YPEL1: variants seen among roughly 807,000 people sequenced by gnomAD.
YPEL1 encodes the protein protein yippee-like 1.
In YPEL1, 7 loss-of-function variants were observed where a neutral mutation model predicts 17.3. The ratio of observed to expected loss-of-function variants is 0.40; its 90% CI spans 0.23 to 0.76. YPEL1 has a LOEUF of 0.76. YPEL1 is among the 30% of genes least tolerant of loss of function. YPEL1 has a pLI of 0.35. For missense variants in YPEL1, 91 were observed against 155.5 expected, an observed-to-expected ratio of 0.59 and a Z score of 2.21; for synonymous variants, 59 against 59.6, an observed-to-expected ratio of 0.99 and a Z score of 0.05.
chr22:21,708,870 T>C (rs567825879), intron 2 of YPEL1, among the ~76,000 whole-genome samples: 4 of 151,828 alleles, frequency 2.6e-5, no homozygotes, highest in Non-Finnish European at 5.9e-5. Flanking sequence ...GGTTTCTCCA[T>C]GTTGGTCAGG....
chr22:21,728,649 G>C (rs2068358578), intron 1 of YPEL1, among the ~76,000 whole-genome samples: 1 of 152,136 alleles, frequency 6.6e-6, no homozygotes. Context: ...GGTGGAACAT[G>C]CAAGTAGATG....
chr22:21,713,301 T>C (rs1476429081), intron 1 of YPEL1, among the ~76,000 whole-genome samples: 1 of 152,168 alleles, frequency 6.6e-6, no homozygotes, highest in Admixed American at 6.5e-5. Flanking sequence ...CTCAAAGCCA[T>C]GTCTGCACAC....
chr22:21,698,479 C>T lies in YPEL1; in HGVS notation c.*2650G>A, dbSNP rs1351384667. On this transcript the variant is annotated 3_prime_UTR_variant, in exon 5 of 5. Coordinates refer to ENST00000339468, the MANE Select transcript of YPEL1 (RefSeq NM_013313.5). ...TGTAAGTGAAGCATCTTGAGTCACT[C>T]AGGACTTGGCTGTCCTCGCACCCGT... 1.3e-5 allele frequency: 2 copies of T among 152,356 alleles called. No homozygotes were observed. Among genetic ancestry groups the T allele is most frequent in the Admixed American group, 6.5e-5 (1 of 15,270 alleles). The allele number at this position is 152,356 out of a possible 1,614,324, so 9.4% of individuals were successfully genotyped here.
At chr22:21,729,065 C>G (rs1169586090) in intron 1 of YPEL1, among the ~76,000 whole-genome samples, 1 of 151,474 alleles carries the variant, frequency 6.6e-6, no homozygotes, top group Non-Finnish European at 1.5e-5. Flanking sequence ...ATTGCTTGAA[C>G]CCAGGAGGCA....
intron 1 of YPEL1, among the ~76,000 whole-genome samples, chr22:21,722,566 G>T (rs934571498): frequency 6.6e-6 from 1 of 151,606 alleles, no homozygotes; most frequent in African/African-American, 2.4e-5. Context: ...GCAGTGAGCC[G>T]ACATCGTGCC....
At chr22:21,710,413 A>G in intron 2 of YPEL1, 1 of 575,692 alleles carries the variant, frequency 1.7e-6, no homozygotes, top group Non-Finnish European at 3.1e-6. Context: ...CTGGCCCTGG[A>G]AAACCGCCCA....
chr22:21,725,896 G>A (rs1211725134), intron 1 of YPEL1, among the ~76,000 whole-genome samples: 3 of 152,042 alleles, frequency 2.0e-5, no homozygotes, highest in Non-Finnish European at 4.4e-5. Context: ...CTACTCCAGA[G>A]GCTGAAACTG....
chr22:21,734,444 A>G (rs1299445383), intron 1 of YPEL1, among the ~76,000 whole-genome samples: 1 of 152,206 alleles, frequency 6.6e-6, no homozygotes, highest in Non-Finnish European at 1.5e-5. Context: ...AAGTTTTTCC[A>G]AAATAAGAAG....
At chr22:21,714,244 C>T (rs555098109) in intron 1 of YPEL1, among the ~76,000 whole-genome samples, 9 of 152,324 alleles carry the variant, frequency 5.9e-5, no homozygotes, top group Admixed American at 4.6e-4. Context: ...CACAAACGGC[C>T]GGTGGCGGCC....
intron 1 of YPEL1, among the ~76,000 whole-genome samples, chr22:21,733,184 A>C (rs2068404843): frequency 1.3e-5 from 2 of 151,918 alleles, no homozygotes; most frequent in Admixed American, 1.3e-4. Flanking sequence ...TGGGAGGCTG[A>C]GGGGTGGCAG....
intron 1 of YPEL1, among the ~76,000 whole-genome samples, chr22:21,728,560 C>T (rs2068357690): frequency 6.6e-6 from 1 of 152,146 alleles, no homozygotes; most frequent in Non-Finnish European, 1.5e-5. Flanking sequence ...GTTACCTGAG[C>T]ACCCAAGGTT....
intron 1 of YPEL1, among the ~76,000 whole-genome samples, chr22:21,715,752 TTTTC>T (rs2068216227): frequency 9.4e-5 from 6 of 63,766 alleles, no homozygotes; most frequent in South Asian, 5.7e-4. Context: ...TAATTTTTCT[TTTTC>T]TTTTCTTTTT....
intron 1 of YPEL1, among the ~76,000 whole-genome samples, chr22:21,725,578 T>C (rs1474934406): frequency 2.0e-5 from 3 of 151,918 alleles, no homozygotes; most frequent in African/African-American, 7.3e-5. Flanking sequence ...TAAATCTAGA[T>C]GGTAGAAAAA....
intron 1 of YPEL1, among the ~76,000 whole-genome samples, chr22:21,732,047 G>C (rs150418204): frequency 6.6e-6 from 1 of 152,202 alleles, no homozygotes; most frequent in East Asian, 1.9e-4. Flanking sequence ...GGTGAATAAC[G>C]GCTCCTAACC....
At chr22:21,709,165 C>T (rs888405508) in intron 2 of YPEL1, among the ~76,000 whole-genome samples, 46 of 152,182 alleles carry the variant, frequency 3.0e-4, no homozygotes, top group Non-Finnish European at 5.9e-4. Context: ...ACAGGTGTCA[C>T]GGGGCTCCAC....
intron 1 of YPEL1, among the ~76,000 whole-genome samples, chr22:21,717,369 T>A (rs753254779): frequency 2.2e-5 from 3 of 137,052 alleles, no homozygotes; most frequent in Non-Finnish European, 4.6e-5. Context: ...AGAGCAATAG[T>A]CCGTCTCAAA....
rs140645955 is a variant in YPEL1, at chr22:21,703,713, G to GC, written c.161+125_161+126insG. 1.6e-3 allele frequency: 1,820 copies of GC among 1,115,072 alleles called. 23 individuals carry two copies. The African/African-American group carries it at 0.026, about 16-fold the overall frequency. The allele number at this position is 1,115,072 out of a possible 1,614,324, so 69.1% of individuals were successfully genotyped here. On this transcript the variant is annotated intron_variant, in intron 3 of 4. Coordinates refer to ENST00000339468, the MANE Select transcript of YPEL1 (RefSeq NM_013313.5). This position sits in a 1 kb window ranked among gnomAD's most constrained non-coding sequence, Gnocchi z 6.1. ...TAGCGCGTTTCAGAAACTCCCGGCGGGGGGATGGTGGGTTCTTTCAGGACC... is the reference window on the plus strand; with the variant it reads ...TAGCGCGTTTCAGAAACTCCCGGCGGCGGGGATGGTGGGTTCTTTCAGGACC...
intron 1 of YPEL1, among the ~76,000 whole-genome samples, chr22:21,731,903 C>A (rs2068390785): frequency 6.6e-6 from 1 of 152,168 alleles, no homozygotes; most frequent in African/African-American, 2.4e-5. Context: ...AGGTGTCTGA[C>A]CAGGGCCTTA....
chr22:21,727,092 G>A (rs2148614040), intron 1 of YPEL1, among the ~76,000 whole-genome samples: 1 of 152,290 alleles, frequency 6.6e-6, no homozygotes, highest in South Asian at 2.1e-4. Context: ...GCTGCCCTGG[G>A]TCCCAAATGT....
Sources: allele counts gnomAD v4.1 joint callset (sites outside exome capture counted in the v4.1 genomes callset), GRCh38; gene constraint gnomAD v4.1.1; non-coding constraint Gnocchi (gnomAD v3.1); transcripts MANE v1.5; gene names NCBI Gene and HGNC (gene_info 2026-07-23, HGNC 2026-07-21).